Variants in UPP2 observed in about 807,000 individuals in gnomAD.
The protein encoded by UPP2 is UPase 2.
Under a neutral mutation model 26.7 loss-of-function variants are expected in UPP2, and 23 were observed. The observed-to-expected ratio is 0.86, with a 90% confidence interval of 0.62 to 1.22. UPP2 has a LOEUF of 1.22. Among genes scored for constraint, UPP2 ranks in the 50% most tolerant of loss-of-function variants. UPP2 has a pLI of 0.00. For missense variants in UPP2, 387 were observed against 396.7 expected, an observed-to-expected ratio of 0.98 and a Z score of 0.21; for synonymous variants, 127 against 141.3, an observed-to-expected ratio of 0.90 and a Z score of 0.72.
chr2:158,073,286 C>T (rs746533957), intron 3 of UPP2, among the ~76,000 whole-genome samples: 3 of 151,174 alleles, frequency 2.0e-5, no homozygotes, highest in Non-Finnish European at 2.9e-5. Flanking sequence ...AATGTATAGT[C>T]AAAAGAGACA....
intron 3 of UPP2, among the ~76,000 whole-genome samples, chr2:158,083,753 C>A (rs10165794): frequency 0.27 from 40,642 of 149,934 alleles, 7,127 homozygotes; most frequent in Middle Eastern, 0.39. Flanking sequence ...GCTCTGAATA[C>A]CATTATTTCA....
upstream of UPP2, chr2:158,101,725 A>G: frequency 2.0e-6 from 1 of 488,452 alleles, no homozygotes; most frequent in Non-Finnish European, 2.8e-6. Flanking sequence ...GATGTAAGGG[A>G]AAGTTCTCAC....
At chr2:158,052,965 G>C (rs950660223) in intron 3 of UPP2, among the ~76,000 whole-genome samples, 1 of 152,194 alleles carries the variant, frequency 6.6e-6, no homozygotes, top group Non-Finnish European at 1.5e-5. Context: ...CCTGAGGGCT[G>C]TAGTATGCCA....
intron 3 of UPP2, among the ~76,000 whole-genome samples, chr2:158,090,083 T>C (rs1363107588): frequency 6.6e-6 from 1 of 152,176 alleles, no homozygotes; most frequent in East Asian, 1.9e-4. Context: ...AATCATTTAT[T>C]ATATATTTAA....
chr2:158,128,329 G>T (rs1214805542), intron 6 of UPP2, among the ~76,000 whole-genome samples: 1 of 152,152 alleles, frequency 6.6e-6, no homozygotes. Flanking sequence ...ATATTCTTCT[G>T]CTGTTCCCAA....
chr2:158,009,286 A>G (rs1348117369), intron 2 of UPP2, among the ~76,000 whole-genome samples: 1 of 151,852 alleles, frequency 6.6e-6, no homozygotes, highest in African/African-American at 2.4e-5. Context: ...TTGTCCTTGA[A>G]TTCTTTCCAA....
chr2:158,052,692 A>G (rs962721151), intron 3 of UPP2, among the ~76,000 whole-genome samples: 1 of 152,250 alleles, frequency 6.6e-6, no homozygotes, highest in African/African-American at 2.4e-5. Context: ...CCTTTTGCCC[A>G]ATAAATGGCA....
At chr2:158,042,651 A>G (rs1189636867) in intron 3 of UPP2, among the ~76,000 whole-genome samples, 1 of 152,206 alleles carries the variant, frequency 6.6e-6, no homozygotes, top group East Asian at 1.9e-4. Context: ...GTATAACAAG[A>G]AACTTGCACT....
At chr2:157,998,597 T>A (rs917310147) in intron 2 of UPP2, among the ~76,000 whole-genome samples, 2 of 151,930 alleles carry the variant, frequency 1.3e-5, no homozygotes, top group African/African-American at 2.4e-5. Flanking sequence ...AGATTAGGAG[T>A]TCGATATCAG....
intron 3 of UPP2, among the ~76,000 whole-genome samples, chr2:158,036,092 TAGC>T (rs1210837615): frequency 3.3e-5 from 5 of 152,144 alleles, no homozygotes; most frequent in Non-Finnish European, 7.4e-5. Context: ...GCTTGGAAAG[TAGC>T]AGTGATGATT....
intron 3 of UPP2, among the ~76,000 whole-genome samples, chr2:158,041,305 A>G (rs1161517827): frequency 1.3e-5 from 2 of 152,202 alleles, no homozygotes; most frequent in South Asian, 2.1e-4. Flanking sequence ...GTTAAAATCA[A>G]TTGCTAATTT....
upstream of UPP2, among the ~76,000 whole-genome samples, chr2:158,099,495 AGT>A (rs1442696900): frequency 6.6e-6 from 1 of 151,972 alleles, no homozygotes; most frequent in Non-Finnish European, 1.5e-5. Context: ...CTGTGAGGCT[AGT>A]GTGTGTGTGC....
intron 2 of UPP2, among the ~76,000 whole-genome samples, chr2:158,007,735 C>T (rs536778904): frequency 2.6e-5 from 4 of 151,934 alleles, no homozygotes; most frequent in Non-Finnish European, 5.9e-5. Context: ...ATTCTCCTGC[C>T]TCAGCCTCCT....
chr2:158,027,945 C>T (rs923785276), intron 3 of UPP2, among the ~76,000 whole-genome samples: 4 of 152,170 alleles, frequency 2.6e-5, no homozygotes, highest in African/African-American at 7.2e-5. Flanking sequence ...GACTGGGATG[C>T]AGGGCACCAA....
intron 3 of UPP2, among the ~76,000 whole-genome samples, chr2:158,080,431 A>C (rs1682704523): frequency 6.6e-6 from 1 of 152,162 alleles, no homozygotes; most frequent in Non-Finnish European, 1.5e-5. Context: ...GAAACAAAAC[A>C]GCATCTATAT....
chr2:158,006,395 G>A (rs1455468046), intron 2 of UPP2, among the ~76,000 whole-genome samples: 2 of 150,924 alleles, frequency 1.3e-5, no homozygotes, highest in Admixed American at 6.7e-5. Flanking sequence ...CGTGAACAAG[G>A]GAGGCGGAGC....
upstream of UPP2, among the ~76,000 whole-genome samples, chr2:158,100,825 C>T (rs1272483123): frequency 2.6e-5 from 4 of 152,134 alleles, no homozygotes. Context: ...CATGGATTCC[C>T]CAATATAGAG....
chr2:158,103,699 T>C (rs985181727), intron 1 of UPP2, among the ~76,000 whole-genome samples: 2 of 152,238 alleles, frequency 1.3e-5, no homozygotes, highest in Non-Finnish European at 2.9e-5. Flanking sequence ...CAAACTTTAA[T>C]GTGCATGTGA....
intron 3 of UPP2, among the ~76,000 whole-genome samples, chr2:158,031,109 C>A (rs1683914084): frequency 6.6e-6 from 1 of 151,908 alleles, no homozygotes; most frequent in South Asian, 2.1e-4. Context: ...ATAAATGGTA[C>A]AGAAAATAAA....
Sources: allele counts gnomAD v4.1 joint callset (sites outside exome capture counted in the v4.1 genomes callset), GRCh38; gene constraint gnomAD v4.1.1; transcripts MANE v1.5; gene names NCBI Gene and HGNC (gene_info 2026-07-23, HGNC 2026-07-21).